The following AMIGO1 variants were observed in gnomAD, a reference collection of about 807,000 sequenced individuals.
AMIGO1 encodes the protein amphoterin-induced protein 1.
For missense variants in AMIGO1, 361 were observed against 612.3 expected (o/e 0.59, Z 4.33); for synonymous variants, 249 against 266.3 (o/e 0.93, Z 0.63).
rs1658019420 is a variant in AMIGO1, at chr1:109,506,166, G to A, written c.*1265C>T. On this transcript the variant is annotated 3_prime_UTR_variant, in exon 2 of 2. Transcript: ENST00000369864. The stretch of plus-strand genomic sequence containing the variant: ...AAGCTGCACTCCAAATTGCCATTCT[G>A]GGGTAGAGACCACCCAATTCCAACC... 6.6e-6 allele frequency: 1 copy of A among 152,196 alleles called. No homozygotes were observed. Among genetic ancestry groups the A allele is most frequent in the Non-Finnish European group, 1.5e-5 (1 of 68,036 alleles). 9.4% of individuals were successfully genotyped at this position (152,196 alleles called of 1,614,324 possible).
Position 109,507,990 on chromosome 1 carries a change from C to T in AMIGO1, c.923G>A (p.Arg308Gln), listed in dbSNP as rs745861797. The change falls in exon 2 of 2, where the codon CGG becomes CAG. Residue 308 changes from arginine (R) to glutamine (Q), a missense_variant. By Grantham distance (43) the Arg-to-Gln change is conservative. Transcript: ENST00000369864. This position sits in a 1 kb window ranked among gnomAD's most constrained non-coding sequence, Gnocchi z 4.7. ...TKVWVTPSNERVLDEVTNGTV... is the reference protein window; with the variant it reads ...TKVWVTPSNEQVLDEVTNGTV... ...GCCATTGGTCACCTCATCTAGCACC[C>T]GTTCATTACTTGGTGTCACCCACAC... 33 of 1,614,042 alleles carry T rather than the reference C, an allele frequency of 2.0e-5. No homozygotes were observed. In the South Asian group the frequency reaches 3.4e-4, roughly 17 times the overall value.
chr1:109,505,260 A>C lies in AMIGO1; in HGVS notation c.*2171T>G, dbSNP rs1167393512. The C allele has an allele frequency of 1.3e-5, 2 of 152,194 alleles. No homozygotes were observed. Among genetic ancestry groups the C allele is most frequent in the Non-Finnish European group, 2.9e-5 (2 of 68,044 alleles). 9.4% of individuals were successfully genotyped at this position (152,194 alleles called of 1,614,324 possible). A position where few individuals can be genotyped will look rare whatever the true frequency, so the allele number is the denominator to read the frequency against. ...TACCACCTCTTCTCCCAAGGCCTTC[A>C]ACCCATGGTTCTTCTAACTCCAGCC... On this transcript the variant is annotated 3_prime_UTR_variant, in exon 2 of 2. Transcript: ENST00000369864.
rs1219428664 is a variant in AMIGO1 at position 109,508,900 on chromosome 1, G to C, written c.13C>G (p.Arg5Gly). Residue 5 changes from arginine to glycine, a missense_variant, in exon 2 of 2, where the codon CGT becomes GGT. Physicochemically the swap from Arg to Gly is moderately radical, Grantham distance 125 (BLOSUM62 -2). Transcript: ENST00000369864. This position sits in a 1 kb window ranked among gnomAD's most constrained non-coding sequence, Gnocchi z 7.8. ...AGGAGCCAGAGGCCTCTCGGGTCAC[G>C]GTGGGGGTGCATAGTGTCACTGGAG... MHPH[R>G]DPRGLWLLLP... The C allele has an allele frequency of 6.4e-7, 1 of 1,571,682 alleles. No individual in the cohort carries two copies.
chr1:109,508,382 C>G lies in AMIGO1; in HGVS notation c.531G>C (p.Leu177=). ...QNQISRFPLE[L]VKEGAKLPKL... ...TGGGTAGCTTGGCTCCTTCCTTGAC[C>G]AGTTCCAGAGGGAAGCGAGAGATCT... The change falls in exon 2 of 2, where the codon CTG becomes CTC. Residue 177 remains leucine (L), a synonymous_variant. Transcript: ENST00000369864. The surrounding 1 kb of genome is among the most constrained non-coding windows in gnomAD (Gnocchi z 7.8). The G allele has an allele frequency of 6.2e-7, 1 of 1,614,104 alleles. No individual in the cohort carries two copies. Among genetic ancestry groups the G allele is most frequent in the African/African-American group, 1.3e-5 (1 of 75,018 alleles).
In AMIGO1 at chr1:109,506,310, T is replaced by C. The variant is rs1419332541; in HGVS notation, c.*1121A>G. 1 of 152,238 alleles carries C rather than the reference T, an allele frequency of 6.6e-6. No homozygotes were observed. Among genetic ancestry groups the C allele is most frequent in the African/African-American group, 2.4e-5 (1 of 41,458 alleles). The allele number at this position is 152,238 out of a possible 1,614,324, so 9.4% of individuals were successfully genotyped here. On this transcript the variant is annotated 3_prime_UTR_variant, in exon 2 of 2. Coordinates refer to ENST00000369864, the MANE Select transcript of AMIGO1 (RefSeq NM_020703.4). Reference sequence around the variant, plus strand: ...ACTGGATTTTCACTATCGCCAAGCCTACTCTAAGCCAGCTGGGGCCAGGCT... The same window carrying C: ...ACTGGATTTTCACTATCGCCAAGCCCACTCTAAGCCAGCTGGGGCCAGGCT...
Position 109,506,106 on chromosome 1 carries a change from G to A in AMIGO1, c.*1325C>T, listed in dbSNP as rs565944100. The stretch of plus-strand genomic sequence containing the variant: ...AGTACTACTGATTATCTCTGCTTCA[G>A]GATTGCCTGGAATCTGTGGAGAGGG... On this transcript the variant is annotated 3_prime_UTR_variant, in exon 2 of 2. Coordinates refer to ENST00000369864, the MANE Select transcript of AMIGO1 (RefSeq NM_020703.4). 3 of 152,272 alleles carry A rather than the reference G, an allele frequency of 2.0e-5. No homozygotes were observed. The highest frequency in any genetic ancestry group is 4.1e-4 in the South Asian group (2 of 4,826). The allele number at this position is 152,272 out of a possible 1,614,324, so 9.4% of individuals were successfully genotyped here.
Position 109,508,160 on chromosome 1 carries a change from C to T in AMIGO1, c.753G>A (p.Leu251=). ...GCAGCTTCTTGGAGTTCATGCAGTACAGATCCTCTTGAAAGTCCATCACGG... is the reference window on the plus strand; with the variant it reads ...GCAGCTTCTTGGAGTTCATGCAGTATAGATCCTCTTGAAAGTCCATCACGG... ...LSSVMDFQED[L]YCMNSKKLHN... is the part of the protein sequence containing the mutation. Residue 251 remains leucine (L), a synonymous_variant, in exon 2 of 2, where the codon CTG becomes CTA. Transcript: ENST00000369864. The surrounding 1 kb of genome is among the most constrained non-coding windows in gnomAD (Gnocchi z 7.8). The T allele has an allele frequency of 6.2e-7, 1 of 1,614,152 alleles. No homozygotes were observed. Among genetic ancestry groups the T allele is most frequent in the Non-Finnish European group, 8.5e-7 (1 of 1,180,046 alleles).
In AMIGO1 at chr1:109,508,346, G is replaced by A. The variant is rs907169783; in HGVS notation, c.567C>T (p.Leu189=). The A allele has an allele frequency of 3.7e-6, 6 of 1,614,046 alleles. No homozygotes were observed. The highest frequency in any genetic ancestry group is 2.7e-5 in the African/African-American group (2 of 74,912). ...KEGAKLPKLT[L]LDLSSNKLKN... ...TCAGCTTGTTAGAAGAGAGATCCAG[G>A]AGCGTTAGTTTGGGTAGCTTGGCTC... The change falls in exon 2 of 2, where the codon CTC becomes CTT. Residue 189 remains leucine, a synonymous_variant. Transcript: ENST00000369864. The surrounding 1 kb of genome is among the most constrained non-coding windows in gnomAD (Gnocchi z 7.8).
rs1467985690 is a variant in AMIGO1, at chr1:109,508,947, A to G, written c.-35T>C. 1.3e-6 allele frequency: 2 copies of G among 1,488,248 alleles called. No homozygotes were observed. The highest frequency in any genetic ancestry group is 5.0e-5 in the Admixed American group (2 of 40,378). 92.2% of individuals were successfully genotyped at this position (1,488,248 alleles called of 1,614,324 possible). The stretch of plus-strand genomic sequence containing the variant: ...GGAGTGGGCGAGGAAGGCCACAAGG[A>G]AGATCTGGGAGGAGGTCACCCGGGC... On this transcript the variant is annotated 5_prime_UTR_variant, in exon 2 of 2. Transcript: ENST00000369864. The surrounding 1 kb of genome is among the most constrained non-coding windows in gnomAD (Gnocchi z 7.8).
chr1:109,507,211 C>T lies in AMIGO1; in HGVS notation c.*220G>A, dbSNP rs540599876. The T allele has an allele frequency of 3.1e-5, 17 of 547,848 alleles. No individual in the cohort carries two copies. Among genetic ancestry groups the T allele is most frequent in the South Asian group, 2.3e-4 (9 of 38,596 alleles). 33.9% of individuals were successfully genotyped at this position (547,848 alleles called of 1,614,324 possible). A position where few individuals can be genotyped will look rare whatever the true frequency, so the allele number is the denominator to read the frequency against. ...CTGAGAATTGGCAGGGCTTTGGGTA[C>T]GGGTGTAGCATTTGCCTGAGGATTA... On this transcript the variant is annotated 3_prime_UTR_variant, in exon 2 of 2. Coordinates refer to ENST00000369864, the MANE Select transcript of AMIGO1 (RefSeq NM_020703.4). This position sits in a 1 kb window ranked among gnomAD's most constrained non-coding sequence, Gnocchi z 4.7.
rs1658013662 is a variant in AMIGO1, at chr1:109,505,977, G to GA, written c.*1453dup. On this transcript the variant is annotated 3_prime_UTR_variant, in exon 2 of 2. Transcript: ENST00000369864. ...GTATTCTGCAACCTTGGATGGAATG[G>GA]AATGTTGAGCTCATTCTTCTTAAGT... 6.6e-6 allele frequency: 1 copy of GA among 152,202 alleles called. No homozygotes were observed. 9.4% of individuals were successfully genotyped at this position (152,202 alleles called of 1,614,324 possible).
chr1:109,508,944 A>T lies in AMIGO1; in HGVS notation c.-32T>A. 1 of 1,493,178 alleles carries T rather than the reference A, an allele frequency of 6.7e-7. No homozygotes were observed. Among genetic ancestry groups the T allele is most frequent in the South Asian group, 1.4e-5 (1 of 73,960 alleles). 92.5% of individuals were successfully genotyped at this position (1,493,178 alleles called of 1,614,324 possible). On this transcript the variant is annotated 5_prime_UTR_variant, in exon 2 of 2. The change creates a new upstream start codon in the 5' untranslated region. Coordinates refer to ENST00000369864, the MANE Select transcript of AMIGO1 (RefSeq NM_020703.4). This position sits in a 1 kb window ranked among gnomAD's most constrained non-coding sequence, Gnocchi z 7.8. ...ACTGGAGTGGGCGAGGAAGGCCACA[A>T]GGAAGATCTGGGAGGAGGTCACCCG...
chr1:109,507,251 G>A lies in AMIGO1; in HGVS notation c.*180C>T. The A allele has an allele frequency of 1.3e-6, 1 of 761,942 alleles. No individual in the cohort carries two copies. The allele number at this position is 761,942 out of a possible 1,614,324, so 47.2% of individuals were successfully genotyped here. A position where few individuals can be genotyped will look rare whatever the true frequency, so the allele number is the denominator to read the frequency against. On this transcript the variant is annotated 3_prime_UTR_variant, in exon 2 of 2. Transcript: ENST00000369864. The surrounding 1 kb of genome is among the most constrained non-coding windows in gnomAD (Gnocchi z 4.7). ...CCTGAGGATTAATATACCCCCATTT[G>A]AAAATCGTGGCAGCCACGCCCTGTT...
Position 109,507,303 on chromosome 1 carries a change from G to A in AMIGO1, c.*128C>T. The stretch of plus-strand genomic sequence containing the variant: ...GGGGTCTTGCTCTCTGTTGTACCTG[G>A]GACCAATTCCCTTGAGGTCAGGAGG... On this transcript the variant is annotated 3_prime_UTR_variant, in exon 2 of 2. Coordinates refer to ENST00000369864, the MANE Select transcript of AMIGO1 (RefSeq NM_020703.4). This position sits in a 1 kb window ranked among gnomAD's most constrained non-coding sequence, Gnocchi z 4.7. 7.5e-7 allele frequency: 1 copy of A among 1,332,524 alleles called. No individual in the cohort carries two copies. Among genetic ancestry groups the A allele is most frequent in the Non-Finnish European group, 1.0e-6 (1 of 977,194 alleles). The allele number at this position is 1,332,524 out of a possible 1,614,324, so 82.5% of individuals were successfully genotyped here. A position where few individuals can be genotyped will look rare whatever the true frequency, so the allele number is the denominator to read the frequency against.
rs774545240 is a variant in AMIGO1, at chr1:109,508,268, C to T, written c.645G>A (p.Gly215=). 17 of 1,613,960 alleles carry T rather than the reference C, an allele frequency of 1.1e-5. No homozygotes were observed. In the African/African-American group the frequency reaches 2.1e-4, roughly 20 times the overall value. ...TCAGGGGGTTGTTATGTAGGTACAG[C>T]CCATTCTTGATCCAGGCCGGCAGCT... is the stretch of plus-strand genomic sequence containing the variant. ...LQKLPAWIKN[G]LYLHNNPLNC... is the part of the protein sequence containing the mutation. The change falls in exon 2 of 2, where the codon GGG becomes GGA. Residue 215 remains glycine (G), a synonymous_variant. Transcript: ENST00000369864. The surrounding 1 kb of genome is among the most constrained non-coding windows in gnomAD (Gnocchi z 7.8).
intron 1 of AMIGO1, 103 bp from the exon 2 acceptor site, chr1:109,509,102 GGAGA>G: frequency 1.5e-6 from 1 of 659,218 alleles, no homozygotes; most frequent in Non-Finnish European, 2.5e-6. Flanking sequence ...CTTTGGGCTA[GGAGA>G]GAGAGATGCT....
Position 109,509,683 on chromosome 1 carries a change from A to C in AMIGO1, c.-351T>G, listed in dbSNP as rs1658122867. The C allele has an allele frequency of 6.6e-6, 1 of 150,760 alleles. No homozygotes were observed. The highest frequency in any genetic ancestry group is 1.5e-5 in the Non-Finnish European group (1 of 67,614). 9.3% of individuals were successfully genotyped at this position (150,760 alleles called of 1,614,324 possible). On this transcript the variant is annotated 5_prime_UTR_variant, in exon 1 of 2. Coordinates refer to ENST00000369864, the MANE Select transcript of AMIGO1 (RefSeq NM_020703.4). ...GGCGCGGATCGGTGCGGGGAGCCGG[A>C]GGCGCAGCGATCCCAGCGGAGGGAG...
At position 109,508,343 on chromosome 1, in the gene AMIGO1, C is replaced by G; in HGVS notation, c.570G>C (p.Leu190=). Residue 190 remains leucine, a synonymous_variant, in exon 2 of 2, where the codon CTG becomes CTC. Transcript: ENST00000369864. The surrounding 1 kb of genome is among the most constrained non-coding windows in gnomAD (Gnocchi z 7.8). ...EGAKLPKLTL[L]DLSSNKLKNL... is the part of the protein sequence containing the mutation. Reference sequence around the variant, plus strand: ...TCTTCAGCTTGTTAGAAGAGAGATCCAGGAGCGTTAGTTTGGGTAGCTTGG... The same window carrying G: ...TCTTCAGCTTGTTAGAAGAGAGATCGAGGAGCGTTAGTTTGGGTAGCTTGG... 1 of 1,614,106 alleles carries G rather than the reference C, an allele frequency of 6.2e-7. No individual in the cohort carries two copies. Among genetic ancestry groups the G allele is most frequent in the Non-Finnish European group, 8.5e-7 (1 of 1,180,022 alleles).
At position 109,507,388 on chromosome 1, in the gene AMIGO1, A is replaced by G. The variant is rs375053819; in HGVS notation, c.*43T>C. On this transcript the variant is annotated 3_prime_UTR_variant, in exon 2 of 2. Transcript: ENST00000369864. The surrounding 1 kb of genome is among the most constrained non-coding windows in gnomAD (Gnocchi z 4.7). ...ATCCCCTCATATCCTTCAGGGGTGC[A>G]TTACCTCTCCTGGGGCAGAATCTCC... The G allele has an allele frequency of 6.4e-7, 1 of 1,553,294 alleles. No individual in the cohort carries two copies. The highest frequency in any genetic ancestry group is 8.7e-7 in the Non-Finnish European group (1 of 1,147,546).
Sources: gnomAD v4.1 joint callset for allele counts on GRCh38, gnomAD v4.1.1 for gene constraint, Gnocchi (gnomAD v3.1) non-coding constraint, MANE v1.5 for transcripts, NCBI Gene and HGNC (gene_info 2026-07-23, HGNC 2026-07-21) for gene names.